The following AGMO variants were observed in gnomAD, a reference collection of about 807,000 sequenced individuals.
AGMO encodes alkylglycerol monooxygenase.
Under a neutral mutation model 60.2 loss-of-function variants are expected in AGMO, and 75 were observed. The observed-to-expected ratio is 1.25, with a 90% CI of 1.03 to 1.51. AGMO has a LOEUF of 1.51. Among genes scored for constraint, AGMO ranks in the 40% most tolerant of loss-of-function variants. AGMO has a pLI of 0.00. For synonymous variants in AGMO, 261 were observed against 177.1 expected (o/e 1.47, Z -3.76); for missense variants, 763 against 525.5 (o/e 1.45, Z -4.42).
intron 10 of AGMO, among the ~76,000 whole-genome samples, chr7:15,368,257 T>C (rs920632239): frequency 2.0e-5 from 3 of 149,220 alleles, no homozygotes; most frequent in South Asian, 4.2e-4. Context: ...AGGTCGGCGA[T>C]GTCCACTTAG....
Position 15,201,329 on chromosome 7 carries a change from C to T in AGMO, c.1294G>A (p.Gly432Arg), listed in dbSNP as rs1222851172. Residue 432 changes from glycine to arginine, a missense_variant, in exon 13 of 13, where the codon GGA (glycine) becomes AGA (arginine). Coordinates refer to ENST00000342526, the MANE Select transcript of AGMO (RefSeq NM_001004320.2). ...IVFSICIAFWGVRSMKQLTSH... is the reference protein window; with the variant it reads ...IVFSICIAFWRVRSMKQLTSH... Reference sequence around the variant, plus strand: ...GTGAGTTGTTTCATGCTTCTAACTCCCCAGAAAGCAATGCAAATGGAAAAA... The same window carrying T: ...GTGAGTTGTTTCATGCTTCTAACTCTCCAGAAAGCAATGCAAATGGAAAAA... The T allele has an allele frequency of 2.5e-6, 4 of 1,611,694 alleles. No individual in the cohort carries two copies. The Admixed American group carries it at 5.0e-5, about 20-fold the overall frequency.
chr7:15,285,410 A>T (rs1199839773), intron 12 of AGMO, among the ~76,000 whole-genome samples: 4 of 152,144 alleles, frequency 2.6e-5, no homozygotes, highest in African/African-American at 4.8e-5. Flanking sequence ...ACAAATCAGT[A>T]GCACTTCTAT....
rs751893917 is a variant in AGMO, at chr7:15,387,458, G to A, written c.905C>T (p.Pro302Leu). 79 of 1,613,912 alleles carry A rather than the reference G, an allele frequency of 4.9e-5. No homozygotes were observed. The highest frequency in any genetic ancestry group is 3.5e-4 in the Admixed American group (21 of 60,006). The change falls in exon 9 of 13, where the codon CCG becomes CTG. Residue 302 changes from proline (P) to leucine (L), a missense_variant. Pro to Leu is a moderately conservative substitution (Grantham distance 98, BLOSUM62 -3). Coordinates refer to ENST00000342526, the MANE Select transcript of AGMO (RefSeq NM_001004320.2). ...TCTTGGTTTACCTGGACCCCATCCC[G>A]GTCCCTTAAATATGACAGAAAACTT... ...FNKFSVIFKG[P>L]GWGPGKPRLG... is the part of the protein sequence containing the mutation.
Position 15,493,672 on chromosome 7 carries a change from G to T in AGMO, c.409+51100C>A, listed in dbSNP as rs139787954. Among the ~76,000 whole-genome samples the T allele has an allele frequency of 7.1e-3, 1,085 of 152,180 alleles. 17 individuals carry two copies. The highest frequency in any genetic ancestry group is 0.025 in the African/African-American group (1,030 of 41,520). ...TTACAGGCGTGAGCCACCGCGCCCG[G>T]CCCACATTTCTTTTTCCCTGATCAT... is the stretch of plus-strand genomic sequence containing the variant. On this transcript the variant is annotated intron_variant, in intron 3 of 12. Transcript: ENST00000342526.
chr7:15,302,751 T>C (rs1780482221), intron 12 of AGMO, among the ~76,000 whole-genome samples: 1 of 152,120 alleles, frequency 6.6e-6, no homozygotes. Context: ...TTGCTGTACC[T>C]CCATCATATG....
intron 3 of AGMO, among the ~76,000 whole-genome samples, chr7:15,434,515 C>T (rs1467998980): frequency 6.6e-6 from 1 of 152,062 alleles, no homozygotes; most frequent in Non-Finnish European, 1.5e-5. Context: ...GTTATGAGCT[C>T]CCTTTGAAGA....
chr7:15,203,076 A>G (rs1781346876), intron 12 of AGMO, among the ~76,000 whole-genome samples: 1 of 152,156 alleles, frequency 6.6e-6, no homozygotes, highest in Non-Finnish European at 1.5e-5. Context: ...TGGCACTAGA[A>G]GTCTTTATTG....
intron 12 of AGMO, among the ~76,000 whole-genome samples, chr7:15,353,670 A>T (rs532904133): frequency 2.6e-5 from 4 of 152,240 alleles, no homozygotes; most frequent in Admixed American, 6.5e-5. Context: ...TCAGAAATAT[A>T]TATTAGTGTT....
intron 2 of AGMO, among the ~76,000 whole-genome samples, chr7:15,553,892 C>T (rs1785050986): frequency 6.6e-6 from 1 of 152,064 alleles, no homozygotes; most frequent in Admixed American, 6.6e-5. Flanking sequence ...AAGCCTTCCC[C>T]CCACCACATC....
At chr7:15,274,160 T>C (rs1179006691) in intron 12 of AGMO, among the ~76,000 whole-genome samples, 2 of 152,186 alleles carry the variant, frequency 1.3e-5, no homozygotes, top group Non-Finnish European at 2.9e-5. Flanking sequence ...CAACACTATG[T>C]TGAAAAGGAG....
chr7:15,236,196 T>C (rs1782414700), intron 12 of AGMO, among the ~76,000 whole-genome samples: 1 of 152,102 alleles, frequency 6.6e-6, no homozygotes, highest in African/African-American at 2.4e-5. Context: ...GCAATAATTC[T>C]TAAGGAAAAG....
At chr7:15,185,515 A>C in the AGMO span, among the ~76,000 whole-genome samples, 2 of 152,296 alleles carry the variant, frequency 1.3e-5, no homozygotes, top group Admixed American at 6.5e-5. Context: ...GTACTAGGTG[A>C]TCTATGGCCC....
intron 3 of AGMO, among the ~76,000 whole-genome samples, chr7:15,531,914 C>T (rs994858986): frequency 6.6e-6 from 1 of 151,914 alleles, no homozygotes; most frequent in Non-Finnish European, 1.5e-5. Context: ...AGTGATCTGC[C>T]TGCCTTGGCC....
At chr7:15,135,162 T>TGTGTGTGTG in the AGMO span, among the ~76,000 whole-genome samples, 1 of 102,010 alleles carries the variant, frequency 9.8e-6, no homozygotes, top group Non-Finnish European at 2.2e-5. Flanking sequence ...TTATATGAGT[T>TGTGTGTGTG]TGTGTGTGTG....
chr7:15,515,659 A>G (rs1783790484), intron 3 of AGMO, among the ~76,000 whole-genome samples: 1 of 152,216 alleles, frequency 6.6e-6, no homozygotes, highest in Non-Finnish European at 1.5e-5. Context: ...TAGCCTTCTC[A>G]TGTAGAAAGA....
chr7:15,338,687 T>G (rs150434384), intron 12 of AGMO, among the ~76,000 whole-genome samples: 61 of 152,260 alleles, frequency 4.0e-4, no homozygotes, highest in African/African-American at 1.4e-3. Context: ...AAGGGCTATA[T>G]ACAGCTAGTT....
the AGMO span, among the ~76,000 whole-genome samples, chr7:15,190,207 ATATATATATATATATATATATATT>A: frequency 5.3e-4 from 1 of 1,872 alleles, no homozygotes; most frequent in Non-Finnish European, 1.2e-3. Context: ...ATATTTATAT[ATATATATATATATATATATATATT>A]TATATATATA....
At chr7:15,293,287 G>A (rs951731897) in intron 12 of AGMO, among the ~76,000 whole-genome samples, 7 of 152,080 alleles carry the variant, frequency 4.6e-5, no homozygotes, top group African/African-American at 1.7e-4. Flanking sequence ...CTACCCAGAA[G>A]CTGGATAATT....
chr7:15,305,343 C>T (rs1440969524), intron 12 of AGMO, among the ~76,000 whole-genome samples: 2 of 151,752 alleles, frequency 1.3e-5, no homozygotes, highest in African/African-American at 4.8e-5. Flanking sequence ...TCCATATCCC[C>T]ATCTCTCCTT....
Sources: gnomAD v4.1 joint callset for allele counts (sites outside exome capture counted in the v4.1 genomes callset) on GRCh38, gnomAD v4.1.1 for gene constraint, MANE v1.5 for transcripts, NCBI Gene and HGNC (gene_info 2026-07-23, HGNC 2026-07-21) for gene names.